The following PTPRQ variants were observed in gnomAD, a reference collection of about 807,000 sequenced individuals.
The protein encoded by PTPRQ is protein tyrosine phosphatase receptor type Q.
PTPRQ carries 199 observed loss-of-function variants against 246.0 expected under a neutral mutation model. The observed-to-expected ratio is 0.81, with a 90% CI of 0.72 to 0.91. PTPRQ has a LOEUF of 0.91. Among genes scored for constraint, PTPRQ ranks in the 40% least tolerant of loss-of-function variants. PTPRQ has a pLI of 0.00. For synonymous variants in PTPRQ, 869 were observed against 853.2 expected (o/e 1.02, Z -0.32); for missense variants, 2,624 against 2,528.4 (o/e 1.04, Z -0.81).
intron 17 of PTPRQ, among the ~76,000 whole-genome samples, chr12:80,513,393 T>C (rs1016928655): frequency 1.3e-4 from 20 of 152,088 alleles, no homozygotes; most frequent in African/African-American, 4.1e-4. Flanking sequence ...CGTCTGTCAG[T>C]GTGTGCTGTT....
chr12:80,549,510 A>T lies in PTPRQ; in HGVS notation c.4061A>T (p.Gln1354Leu), dbSNP rs1019601926. 3.9e-6 allele frequency: 6 copies of T among 1,550,940 alleles called. No individual in the cohort carries two copies. In the African/African-American group the frequency reaches 5.5e-5, roughly 14 times the overall value. The change falls in exon 25 of 45, where the codon CAG becomes CTG. Residue 1354 changes from glutamine (Q) to leucine (L), a missense_variant. Coordinates refer to ENST00000644991, the MANE Select transcript of PTPRQ (RefSeq NM_001145026.2). ...QNMQCMATSWQSVLVKWDPPK... is the reference protein window; with the variant it reads ...QNMQCMATSWLSVLVKWDPPK... ...ATGCAGTGCATGGCAACTAGCTGGC[A>T]GTCAGTTTTAGTGAAATGGGATCCA...
intron 25 of PTPRQ, among the ~76,000 whole-genome samples, chr12:80,581,452 A>G (rs1279735711): frequency 5.3e-5 from 8 of 152,104 alleles, no homozygotes. Flanking sequence ...CCTGGGTAAC[A>G]TGGCGCAACT....
Position 80,665,203 on chromosome 12 carries a change from G to A in PTPRQ, c.6193-3804G>A, listed in dbSNP as rs774962469. On this transcript the variant is annotated intron_variant, in intron 39 of 44. Coordinates refer to ENST00000644991, the MANE Select transcript of PTPRQ (RefSeq NM_001145026.2). Reference sequence around the variant, plus strand: ...CCAAAAGCTGAAGTACGTGGAGTCCGATGTTCTAGGGCAGGAAGCATCCAG... The same window carrying A: ...CCAAAAGCTGAAGTACGTGGAGTCCAATGTTCTAGGGCAGGAAGCATCCAG... Among the ~76,000 whole-genome samples, 9 of 152,076 alleles carry A rather than the reference G, an allele frequency of 5.9e-5. No homozygotes were observed. In the East Asian group the frequency reaches 7.8e-4, roughly 13 times the overall value.
intron 8 of PTPRQ, among the ~76,000 whole-genome samples, chr12:80,478,994 G>T (rs1893928824): frequency 1.3e-5 from 2 of 151,890 alleles, no homozygotes; most frequent in Non-Finnish European, 2.9e-5. Context: ...TAGCAAGGCA[G>T]GCCAACGTTC....
chr12:80,576,046 C>T (rs1410812503), intron 25 of PTPRQ, among the ~76,000 whole-genome samples: 2 of 152,032 alleles, frequency 1.3e-5, no homozygotes, highest in African/African-American at 4.8e-5. Flanking sequence ...AATCCCAATT[C>T]TTTCTTTATT....
At chr12:80,569,501 G>T (rs1353903766) in intron 25 of PTPRQ, among the ~76,000 whole-genome samples, 1 of 150,744 alleles carries the variant, frequency 6.6e-6, no homozygotes, top group Admixed American at 6.6e-5. Context: ...TAACTAACCT[G>T]CACATTGTGC....
At chr12:80,452,108 C>G (rs867700660) in intron 3 of PTPRQ, among the ~76,000 whole-genome samples, 45 of 81,510 alleles carry the variant, frequency 5.5e-4, no homozygotes, top group African/African-American at 2.3e-3. Flanking sequence ...GATCCCTTTA[C>G]CATTATGTAA....
intron 24 of PTPRQ, among the ~76,000 whole-genome samples, 154 bp from the exon 25 acceptor site, chr12:80,549,309 CTA>C (rs1189801642): frequency 7.2e-5 from 11 of 151,982 alleles, no homozygotes; most frequent in African/African-American, 2.7e-4. Flanking sequence ...TTGATTCTGT[CTA>C]TGTTAATGAC....
chr12:80,558,168 C>A (rs868446160), intron 25 of PTPRQ, among the ~76,000 whole-genome samples: 2 of 35,226 alleles, frequency 5.7e-5, no homozygotes, highest in Non-Finnish European at 1.2e-4. Context: ...CTTTTCTTTT[C>A]TTTCTTTTCT....
chr12:80,544,706 T>C (rs188466292), intron 23 of PTPRQ, among the ~76,000 whole-genome samples: 214 of 152,264 alleles, frequency 1.4e-3, no homozygotes, highest in Admixed American at 2.2e-3. Context: ...CTATTTCGCT[T>C]TCTCTCCTAG....
At chr12:80,548,368 A>T (rs930138426) in intron 24 of PTPRQ, among the ~76,000 whole-genome samples, 3 of 152,134 alleles carry the variant, frequency 2.0e-5, no homozygotes, top group Non-Finnish European at 4.4e-5. Context: ...TTCTTATATG[A>T]TTCTGAAAAC....
chr12:80,471,769 G>C (rs539223502), intron 7 of PTPRQ, among the ~76,000 whole-genome samples: 1 of 152,074 alleles, frequency 6.6e-6, no homozygotes, highest in South Asian at 2.1e-4. Flanking sequence ...GAATAAATTT[G>C]AGTATAAAAT....
chr12:80,510,496 A>G, intron 17 of PTPRQ, 53 bp downstream of exon 17: 1 of 1,422,330 alleles, frequency 7.0e-7, no homozygotes, highest in Non-Finnish European at 9.4e-7. Context: ...AATCTGTAAC[A>G]TAATAGGAAT....
At chr12:80,573,126 T>C (rs1053147152) in intron 25 of PTPRQ, among the ~76,000 whole-genome samples, 2 of 152,188 alleles carry the variant, frequency 1.3e-5, no homozygotes, top group Non-Finnish European at 2.9e-5. Context: ...GAGTTTTCTA[T>C]TGTGGCAGAT....
chr12:80,572,915 T>G (rs948247558), intron 25 of PTPRQ, among the ~76,000 whole-genome samples: 6 of 152,178 alleles, frequency 3.9e-5, no homozygotes, highest in Admixed American at 6.5e-5. Context: ...ACATTTTGCT[T>G]AAGATTGTTG....
At chr12:80,594,358 A>G (rs1471582724) in intron 26 of PTPRQ, among the ~76,000 whole-genome samples, 1 of 152,168 alleles carries the variant, frequency 6.6e-6, no homozygotes, top group African/African-American at 2.4e-5. Context: ...GCAGTGCAGT[A>G]TTAGGATGGG....
At chr12:80,564,837 A>G (rs1047769819) in intron 25 of PTPRQ, among the ~76,000 whole-genome samples, 2 of 152,198 alleles carry the variant, frequency 1.3e-5, no homozygotes, top group African/African-American at 4.8e-5. Flanking sequence ...TTGGAATTAC[A>G]GGAGTTTTCT....
chr12:80,608,063 A>G (rs11114528), intron 27 of PTPRQ, among the ~76,000 whole-genome samples: 1 of 150,812 alleles, frequency 6.6e-6, no homozygotes, highest in East Asian at 2.0e-4. Flanking sequence ...AGGAGACTTC[A>G]TAGAGCAGGT....
intron 17 of PTPRQ, among the ~76,000 whole-genome samples, chr12:80,532,891 C>G (rs1162258887): frequency 6.6e-6 from 1 of 152,138 alleles, no homozygotes; most frequent in African/African-American, 2.4e-5. Flanking sequence ...GCTTCTGTGG[C>G]AGTAAAACCA....
Sources: gnomAD v4.1 joint callset for allele counts (sites outside exome capture counted in the v4.1 genomes callset) on GRCh38, gnomAD v4.1.1 for gene constraint, MANE v1.5 for transcripts, NCBI Gene and HGNC (gene_info 2026-07-23, HGNC 2026-07-21) for gene names.